The following MS4A3 variants were observed in gnomAD, a reference collection of about 807,000 sequenced individuals.
MS4A3 encodes membrane spanning 4-domains A3, also known as membrane-spanning 4-domains subfamily A member 3.
A neutral mutation model predicts 24.7 loss-of-function variants in MS4A3; 18 were observed. The observed-to-expected ratio is 0.73, with a 90% CI of 0.50 to 1.08. The LOEUF is 1.08. Among genes scored for constraint, MS4A3 ranks in the 50% least tolerant of loss-of-function variants. The pLI is 0.00. For missense variants in MS4A3, 282 were observed against 251.7 expected, an observed-to-expected ratio of 1.12 and a Z score of -0.82; for synonymous variants, 84 against 95.3, an observed-to-expected ratio of 0.88 and a Z score of 0.69.
rs899936285 is a variant in MS4A3 at position 60,069,570 on chromosome 11, C to T, written c.514-4C>T. On this transcript the variant is annotated splice_region_variant and splice_polypyrimidine_tract_variant and intron_variant, in intron 5 of 6. Coordinates refer to ENST00000278865, the MANE Select transcript of MS4A3 (RefSeq NM_006138.5). ...GGTTTGATATAAGGCATCATATCCC[C>T]TAGGGCATGGTGTCTCTACTGCTGA... 1.2e-6 allele frequency: 2 copies of T among 1,605,470 alleles called. No individual in the cohort carries two copies. The highest frequency in any genetic ancestry group is 1.7e-6 in the Non-Finnish European group (2 of 1,173,128).
chr11:60,070,433 C>A lies in MS4A3; in HGVS notation c.*200C>A, dbSNP rs891067871. ...CTAACTATAAATCCTATTTGTGTGT[C>A]GTGGGTATGGAAGGACAGATATATT... On this transcript the variant is annotated 3_prime_UTR_variant, in exon 7 of 7. Transcript: ENST00000278865. 7.6e-5 allele frequency: 39 copies of A among 514,566 alleles called. No homozygotes were observed. Among genetic ancestry groups the A allele is most frequent in the Non-Finnish European group, 1.7e-5 (5 of 293,400 alleles). The allele number at this position is 514,566 out of a possible 1,614,324, so 31.9% of individuals were successfully genotyped here.
intron 2 of MS4A3, among the ~76,000 whole-genome samples, chr11:60,061,751 G>A (rs1055887764): frequency 1.3e-5 from 2 of 152,128 alleles, no homozygotes; most frequent in African/African-American, 2.4e-5. Flanking sequence ...ACCATGAAAG[G>A]GTGGGCATTC....
In MS4A3 at chr11:60,064,262, T is replaced by C. The variant is rs762015062; in HGVS notation, c.295T>C (p.Phe99Leu). The change falls in exon 4 of 7, where the codon TTC (phenylalanine) becomes CTC (leucine). Residue 99 changes from phenylalanine to leucine, a missense_variant and splice_region_variant. Physicochemically the swap from Phe to Leu is conservative, Grantham distance 22. Transcript: ENST00000278865. ...TGTTTTCCTTCCTATTTTCAAACAGTTCTGTAGTTCAGGAACCTTGTCTGT... is the reference window on the plus strand; with the variant it reads ...TGTTTTCCTTCCTATTTTCAAACAGCTCTGTAGTTCAGGAACCTTGTCTGT... ...TGYPIWGAVF[F>L]CSSGTLSVVA... The C allele has an allele frequency of 5.0e-6, 8 of 1,605,668 alleles. No homozygotes were observed. The highest frequency in any genetic ancestry group is 1.7e-5 in the Admixed American group (1 of 58,680).
chr11:60,066,417 C>T (rs1036172608), intron 4 of MS4A3, among the ~76,000 whole-genome samples: 1 of 152,196 alleles, frequency 6.6e-6, no homozygotes, highest in African/African-American at 2.4e-5. Context: ...TGCAGAGCCC[C>T]ACATGATTTG....
intron 2 of MS4A3, 125 bp downstream of exon 2, chr11:60,061,441 C>T: frequency 1.7e-6 from 2 of 1,172,914 alleles, no homozygotes; most frequent in Admixed American, 2.1e-5. Context: ...CCTCTGTTTG[C>T]CATCCCGAGA....
intron 5 of MS4A3, among the ~76,000 whole-genome samples, chr11:60,067,841 A>T (rs1394648895): frequency 6.6e-6 from 1 of 151,542 alleles, no homozygotes; most frequent in Admixed American, 6.6e-5. Flanking sequence ...AGGTCGAGAG[A>T]TCGAGACCAC....
intron 1 of MS4A3, among the ~76,000 whole-genome samples, chr11:60,059,662 C>CT (rs1268294110): frequency 6.6e-6 from 1 of 152,138 alleles, no homozygotes; most frequent in Non-Finnish European, 1.5e-5. Context: ...TATTAGCTTT[C>CT]TAAGGATAAT....
chr11:60,065,667 G>T (rs1008640679), intron 4 of MS4A3, among the ~76,000 whole-genome samples: 2 of 152,150 alleles, frequency 1.3e-5, no homozygotes, highest in African/African-American at 4.8e-5. Context: ...TCTAACTTAA[G>T]CTATGAGTAG....
intron 3 of MS4A3, 184 bp downstream of exon 3, chr11:60,062,789 A>G (rs1461130940): frequency 3.9e-5 from 15 of 386,332 alleles, no homozygotes; most frequent in Non-Finnish European, 5.5e-5. Context: ...TTAATTAATT[A>G]CTTAATTAAT....
At chr11:60,062,627 G>A (rs771738138) in intron 3 of MS4A3, 22 bp downstream of exon 3, 2 of 1,613,016 alleles carry the variant, frequency 1.2e-6, no homozygotes, top group Non-Finnish European at 1.7e-6. Flanking sequence ...TACTCCCCTG[G>A]CTATATGTTA....
chr11:60,068,857 C>A (rs185494881), intron 5 of MS4A3, among the ~76,000 whole-genome samples: 4 of 152,062 alleles, frequency 2.6e-5, no homozygotes, highest in Admixed American at 2.0e-4. Flanking sequence ...TCCCCCAGCC[C>A]CCCACCCCAC....
At chr11:60,067,844 G>C (rs761250597) in intron 5 of MS4A3, among the ~76,000 whole-genome samples, 1 of 151,130 alleles carries the variant, frequency 6.6e-6, no homozygotes, top group Non-Finnish European at 1.5e-5. Context: ...TCGAGAGATC[G>C]AGACCACCCT....
chr11:60,066,951 A>G lies in MS4A3; in HGVS notation c.352A>G (p.Ile118Val). The change falls in exon 5 of 7, where the codon ATA becomes GTA. Residue 118 changes from isoleucine (I) to valine (V), a missense_variant and splice_region_variant. Coordinates refer to ENST00000278865, the MANE Select transcript of MS4A3 (RefSeq NM_006138.5). ...VAGIKPTRTW[I>V]QNSFGMNIAS... is the part of the protein sequence containing the mutation. ...ATTGAAAATTCTTATTCTTTTTTAG[A>G]TACAGAACAGTTTTGGAATGAACAT... is the stretch of plus-strand genomic sequence containing the variant. 6.3e-7 allele frequency: 1 copy of G among 1,586,996 alleles called. No individual in the cohort carries two copies. Among genetic ancestry groups the G allele is most frequent in the Non-Finnish European group, 8.5e-7 (1 of 1,172,886 alleles).
chr11:60,064,905 G>A (rs1855334805), intron 4 of MS4A3, among the ~76,000 whole-genome samples: 1 of 150,362 alleles, frequency 6.7e-6, no homozygotes, highest in Non-Finnish European at 1.5e-5. Flanking sequence ...GACTAGATCT[G>A]TACCAATGTA....
chr11:60,069,680 G>A lies in MS4A3; in HGVS notation c.615+5G>A. On this transcript the variant is annotated splice_donor_5th_base_variant and intron_variant, in intron 6 of 6. Transcript: ENST00000278865. Reference sequence around the variant, plus strand: ...AACTGCTGTAATTCAAGAGAGGTGAGATTTTTCAAATGATTAATCATTCAC... The same window carrying A: ...AACTGCTGTAATTCAAGAGAGGTGAAATTTTTCAAATGATTAATCATTCAC... 7.5e-6 allele frequency: 12 copies of A among 1,599,894 alleles called. No individual in the cohort carries two copies. The highest frequency in any genetic ancestry group is 1.0e-5 in the Non-Finnish European group (12 of 1,167,326).
chr11:60,061,500 G>A (rs757598268), intron 2 of MS4A3, 184 bp downstream of exon 2: 26 of 716,694 alleles, frequency 3.6e-5, no homozygotes, highest in Middle Eastern at 2.3e-4. Flanking sequence ...TCTATTCAAC[G>A]TGAAGAGGAT....
chr11:60,060,471 C>A (rs1273001035), intron 1 of MS4A3, among the ~76,000 whole-genome samples: 2 of 152,120 alleles, frequency 1.3e-5, no homozygotes, highest in Non-Finnish European at 2.9e-5. Context: ...AGTGCTTAAA[C>A]TCTACCATGC....
In MS4A3 at chr11:60,064,381, A is replaced by C; in HGVS notation, c.351+63A>C. On this transcript the variant is annotated intron_variant, in intron 4 of 6. Transcript: ENST00000278865. Reference sequence around the variant, plus strand: ...TAGAAATATATTATTCATAAACAGTAGGACAGTAAGTGTCCATGAATACAA... The same window carrying C: ...TAGAAATATATTATTCATAAACAGTCGGACAGTAAGTGTCCATGAATACAA... 2.4e-6 allele frequency: 3 copies of C among 1,250,458 alleles called. 1 individual carries two copies. In the South Asian group the frequency reaches 4.1e-5, roughly 17 times the overall value. 77.5% of individuals were successfully genotyped at this position (1,250,458 alleles called of 1,614,324 possible).
chr11:60,067,199 C>T (rs1590617813), intron 5 of MS4A3, 87 bp downstream of exon 5: 3 of 986,750 alleles, frequency 3.0e-6, no homozygotes, highest in East Asian at 2.9e-5. Flanking sequence ...TACCAATGTG[C>T]CATAATTTGA....
Sources: allele counts gnomAD v4.1 joint callset (sites outside exome capture counted in the v4.1 genomes callset), GRCh38; gene constraint gnomAD v4.1.1; transcripts MANE v1.5; gene names NCBI Gene and HGNC (gene_info 2026-07-23, HGNC 2026-07-21).